KIAA1328: variants seen among roughly 807,000 people sequenced by gnomAD.
KIAA1328 encodes KIAA1328, also known as protein hinderin.
In KIAA1328, 52 loss-of-function variants were observed where a neutral mutation model predicts 68.1. That is an observed-to-expected ratio of 0.76 (90% CI 0.61 to 0.96). The LOEUF is 0.96. Among genes scored for constraint, KIAA1328 ranks in the 40% least tolerant of loss-of-function variants. KIAA1328 has a pLI of 0.00. For synonymous variants in KIAA1328, 232 were observed against 239.4 expected, an observed-to-expected ratio of 0.97 and a Z score of 0.28; for missense variants, 641 against 677.6, an observed-to-expected ratio of 0.95 and a Z score of 0.60.
At chr18:37,032,097 TG>T (rs1182457565) in intron 6 of KIAA1328, among the ~76,000 whole-genome samples, 3 of 152,202 alleles carry the variant, frequency 2.0e-5, no homozygotes, top group African/African-American at 7.2e-5. Context: ...GGAGAATCTC[TG>T]GAGCCCAGGA....
At chr18:36,905,737 G>A (rs2049195839) in intron 5 of KIAA1328, among the ~76,000 whole-genome samples, 1 of 152,094 alleles carries the variant, frequency 6.6e-6, no homozygotes, top group African/African-American at 2.4e-5. Context: ...AAATTATTGG[G>A]CAACATCTCA....
chr18:37,054,329 A>G (rs9946025), intron 6 of KIAA1328, among the ~76,000 whole-genome samples: 40,639 of 151,944 alleles, frequency 0.27, 8,579 homozygotes, highest in African/African-American at 0.59. Flanking sequence ...CAAAGGAAAA[A>G]AAATCATTTT....
intron 6 of KIAA1328, among the ~76,000 whole-genome samples, chr18:36,989,847 A>G (rs1436303286): frequency 6.6e-6 from 1 of 152,030 alleles, no homozygotes; most frequent in African/African-American, 2.4e-5. Context: ...GGTGCCCGCC[A>G]CCACGCTCAG....
chr18:37,022,018 C>T (rs1179468006), intron 6 of KIAA1328, among the ~76,000 whole-genome samples: 1 of 151,748 alleles, frequency 6.6e-6, no homozygotes, highest in East Asian at 1.9e-4. Context: ...CCTGCCTGTG[C>T]AACAGAGTGA....
rs568729634 is a variant in KIAA1328, at chr18:37,027,402, A to G, written c.577-39488A>G. Among the ~76,000 whole-genome samples the G allele has an allele frequency of 2.7e-4, 41 of 152,316 alleles. No homozygotes were observed. The Middle Eastern group carries it at 0.02, about 76-fold the overall frequency. On this transcript the variant is annotated intron_variant, in intron 6 of 9. Transcript: ENST00000280020. Reference sequence around the variant, plus strand: ...TCATATGGAACCAAAAAGAGCCCACATTGCCAAGTCAATCCTAAAACAAAA... The same window carrying G: ...TCATATGGAACCAAAAAGAGCCCACGTTGCCAAGTCAATCCTAAAACAAAA...
rs546403172 is a variant in KIAA1328 at position 36,870,701 on chromosome 18, A to G, written c.333-14856A>G. On this transcript the variant is annotated intron_variant, in intron 4 of 9. Coordinates refer to ENST00000280020, the MANE Select transcript of KIAA1328 (RefSeq NM_020776.3). Reference sequence around the variant, plus strand: ...AAGAAATTAACATTGGTGCAGTATTATTAACTAAACTCATATCTCACCAAT... The same window carrying G: ...AAGAAATTAACATTGGTGCAGTATTGTTAACTAAACTCATATCTCACCAAT... Among the ~76,000 whole-genome samples, 3 of 152,356 alleles carry G rather than the reference A, an allele frequency of 2.0e-5. No homozygotes were observed. The East Asian group carries it at 5.8e-4, about 29-fold the overall frequency.
intron 6 of KIAA1328, among the ~76,000 whole-genome samples, chr18:37,060,611 G>A (rs1286025077): frequency 2.0e-5 from 3 of 151,970 alleles, no homozygotes; most frequent in Non-Finnish European, 2.9e-5. Context: ...AAAGTTAAAC[G>A]TATGCCTACA....
At chr18:37,095,926 A>G (rs2057391873) in intron 7 of KIAA1328, among the ~76,000 whole-genome samples, 1 of 152,206 alleles carries the variant, frequency 6.6e-6, no homozygotes. Flanking sequence ...AGTGTACCAT[A>G]ATTGAACCGG....
chr18:36,901,487 A>T (rs1019856729), intron 5 of KIAA1328, among the ~76,000 whole-genome samples: 4 of 152,022 alleles, frequency 2.6e-5, no homozygotes, highest in African/African-American at 7.2e-5. Context: ...TGTCTGGAAA[A>T]TTTTAAACAA....
In KIAA1328 at chr18:36,997,043, G is replaced by A. The variant is rs368797891; in HGVS notation, c.576+37608G>A. 1.6e-4 allele frequency among the ~76,000 whole-genome samples: 24 copies of A among 152,062 alleles called. No individual in the cohort carries two copies. The East Asian group carries it at 3.5e-3, about 22-fold the overall frequency. On this transcript the variant is annotated intron_variant, in intron 6 of 9. Transcript: ENST00000280020. ...TTCTGATTGATGCTTTGACTTTCTA[G>A]TATGAAACTACTTGCCTCTTACTAG...
intron 5 of KIAA1328, among the ~76,000 whole-genome samples, chr18:36,931,011 C>G (rs745797375): frequency 1.3e-5 from 2 of 152,004 alleles, no homozygotes; most frequent in Non-Finnish European, 2.9e-5. Context: ...GTTTTTCTTA[C>G]CTACTGTCTT....
At chr18:36,915,104 A>C (rs1386272987) in intron 5 of KIAA1328, among the ~76,000 whole-genome samples, 1 of 152,196 alleles carries the variant, frequency 6.6e-6, no homozygotes, top group Non-Finnish European at 1.5e-5. Context: ...AAGATGAAAA[A>C]AGTTAGAAAA....
intron 6 of KIAA1328, among the ~76,000 whole-genome samples, chr18:36,977,512 A>G (rs776714409): frequency 1.3e-5 from 2 of 151,796 alleles, no homozygotes; most frequent in Non-Finnish European, 2.9e-5. Flanking sequence ...GTTTCCCGAT[A>G]CTCTTACATG....
chr18:36,878,825 A>G (rs1371885821), intron 4 of KIAA1328, among the ~76,000 whole-genome samples: 1 of 152,114 alleles, frequency 6.6e-6, no homozygotes, highest in Non-Finnish European at 1.5e-5. Context: ...ATACTTGTGT[A>G]TGCTTCACGA....
At chr18:37,147,775 T>G (rs2154209230) in intron 7 of KIAA1328, among the ~76,000 whole-genome samples, 1 of 152,290 alleles carries the variant, frequency 6.6e-6, no homozygotes, top group African/African-American at 2.4e-5. Context: ...TTAAAATTTC[T>G]CGTAGTATTG....
chr18:37,055,307 A>G (rs1056877410), intron 6 of KIAA1328, among the ~76,000 whole-genome samples: 6 of 152,254 alleles, frequency 3.9e-5, no homozygotes, highest in Non-Finnish European at 7.3e-5. Flanking sequence ...GCCATGGATG[A>G]TGCCAGGAGC....
chr18:36,863,355 C>A (rs555206422), intron 4 of KIAA1328, among the ~76,000 whole-genome samples: 1 of 151,576 alleles, frequency 6.6e-6, no homozygotes, highest in Non-Finnish European at 1.5e-5. Flanking sequence ...GGGTCTTTGT[C>A]TAGGTTCTTT....
intron 5 of KIAA1328, among the ~76,000 whole-genome samples, chr18:36,928,128 T>A (rs56082837): frequency 0.16 from 24,538 of 152,118 alleles, 2,167 homozygotes; most frequent in African/African-American, 0.22. Flanking sequence ...TTATTTTTTT[T>A]ATATCAGTGT....
At chr18:37,156,117 C>G (rs762417572) in intron 7 of KIAA1328, among the ~76,000 whole-genome samples, 2 of 151,802 alleles carry the variant, frequency 1.3e-5, no homozygotes, top group Non-Finnish European at 2.9e-5. Context: ...GAATAGGAAC[C>G]AGGGCTGGGC....
Sources: gnomAD v4.1 joint callset for allele counts (sites outside exome capture counted in the v4.1 genomes callset) on GRCh38, gnomAD v4.1.1 for gene constraint, MANE v1.5 for transcripts, NCBI Gene and HGNC (gene_info 2026-07-23, HGNC 2026-07-21) for gene names.